FGF12: variants seen among roughly 807,000 people sequenced by gnomAD.
The protein encoded by FGF12 is fibroblast growth factor 12, also known as fibroblast growth factor 12B.
FGF12 carries 14 observed loss-of-function variants against 23.6 expected under a neutral mutation model. The observed-to-expected ratio is 0.59, with a 90% confidence interval of 0.39 to 0.93. The LOEUF (loss-of-function observed/expected upper bound fraction) is 0.93, where lower values mean the gene tolerates loss of function less well. Ranked by LOEUF, FGF12 falls within the 40% of genes least tolerant of loss-of-function variation. The pLI, the probability that FGF12 is intolerant of heterozygous loss-of-function variation, is 0.00. For missense variants in FGF12, 175 were observed against 217.8 expected (o/e 0.80, Z 1.24); for synonymous variants, 62 against 77.3 (o/e 0.80, Z 1.04).
intron 2 of FGF12, among the ~76,000 whole-genome samples, chr3:192,528,438 C>T (rs1725006975): frequency 6.6e-6 from 1 of 152,098 alleles, no homozygotes; most frequent in Admixed American, 6.6e-5. Flanking sequence ...AGGGTAGAGC[C>T]TCTCTCTCAG....
rs773570110 is a variant in FGF12 at position 192,512,835 on chromosome 3, A to AATATATATATATAT, written c.14-152311_14-152298dup. ...GTTAAACCTAGAGTATACTCAAATA[A>AATATATATATATAT]ATATATATATATATATATATATATA... On this transcript the variant is annotated intron_variant, in intron 2 of 5. Coordinates refer to ENST00000445105, the MANE Select transcript of FGF12 (RefSeq NM_004113.6). Among the ~76,000 whole-genome samples the AATATATATATATAT allele has an allele frequency of 6.9e-3, 531 of 76,700 alleles. 24 individuals are homozygous for AATATATATATATAT. The highest frequency in any genetic ancestry group is 0.032 in the African/African-American group (507 of 15,626). The allele number at this position is 76,700 out of a possible 152,430, so 50.3% of individuals were successfully genotyped here.
intron 2 of FGF12, among the ~76,000 whole-genome samples, chr3:192,461,917 G>T (rs1722876190): frequency 1.3e-5 from 2 of 151,928 alleles, no homozygotes; most frequent in African/African-American, 4.8e-5. Context: ...TTGAACCCGG[G>T]AGGTGGAGGT....
At chr3:192,545,669 G>T (rs1397297953) in intron 2 of FGF12, among the ~76,000 whole-genome samples, 1 of 152,152 alleles carries the variant, frequency 6.6e-6, no homozygotes, top group East Asian at 1.9e-4. Context: ...TATCCAGAGG[G>T]TTCTTTTATG....
At chr3:192,589,048 G>A (rs114630214) in intron 2 of FGF12, among the ~76,000 whole-genome samples, 3,641 of 151,902 alleles carry the variant, frequency 0.024, 159 homozygotes, top group African/African-American at 0.082. Context: ...CTTATTTTAA[G>A]CTTATTTTTA....
At chr3:192,162,840 A>AT (rs1344136670) in intron 5 of FGF12, among the ~76,000 whole-genome samples, 2 of 152,122 alleles carry the variant, frequency 1.3e-5, no homozygotes, top group Middle Eastern at 3.4e-3. Flanking sequence ...AGGGATTGTT[A>AT]TTTTCCTTCC....
chr3:192,715,830 A>G (rs1718849025), intron 2 of FGF12, among the ~76,000 whole-genome samples: 1 of 152,238 alleles, frequency 6.6e-6, no homozygotes, highest in African/African-American at 2.4e-5. Flanking sequence ...AGCCCCAGTA[A>G]CAAGCAATGT....
chr3:192,372,846 A>G (rs1222408396), intron 2 of FGF12, among the ~76,000 whole-genome samples: 2 of 152,148 alleles, frequency 1.3e-5, no homozygotes, highest in Non-Finnish European at 2.9e-5. Context: ...GCTTTGCACC[A>G]TCTGGCTCCT....
At chr3:192,726,183 TG>T (rs1325980668) in intron 2 of FGF12, among the ~76,000 whole-genome samples, 1 of 152,238 alleles carries the variant, frequency 6.6e-6, no homozygotes, top group Non-Finnish European at 1.5e-5. Flanking sequence ...ATTACCACAG[TG>T]ACTGACATTC....
At chr3:192,272,158 A>G (rs1191021769) in intron 4 of FGF12, among the ~76,000 whole-genome samples, 2 of 152,196 alleles carry the variant, frequency 1.3e-5, no homozygotes, top group African/African-American at 4.8e-5. Flanking sequence ...TCATCTGAAA[A>G]TTAAACAATC....
intron 4 of FGF12, among the ~76,000 whole-genome samples, chr3:192,248,279 A>G (rs1336462830): frequency 6.6e-6 from 1 of 152,224 alleles, no homozygotes; most frequent in Non-Finnish European, 1.5e-5. Flanking sequence ...CAACCTTGAC[A>G]ATATGTTATT....
intron 2 of FGF12, among the ~76,000 whole-genome samples, chr3:192,703,198 C>T (rs138592185): frequency 7.6e-4 from 116 of 152,106 alleles, no homozygotes; most frequent in Middle Eastern, 6.8e-3. Flanking sequence ...GGTTGGGTTC[C>T]GGACAACCAC....
At chr3:192,636,691 A>G (rs74375793) in intron 2 of FGF12, among the ~76,000 whole-genome samples, 16,031 of 152,258 alleles carry the variant, frequency 0.11, 958 homozygotes, top group Non-Finnish European at 0.14. Context: ...CTTCTGTGCC[A>G]TGAGGTAACC....
intron 2 of FGF12, among the ~76,000 whole-genome samples, chr3:192,658,109 A>G (rs1324334841): frequency 6.6e-6 from 1 of 152,272 alleles, no homozygotes; most frequent in African/African-American, 2.4e-5. Flanking sequence ...AAAATACAAT[A>G]GGACACATCA....
At chr3:192,703,115 G>A (rs1158328094) in intron 2 of FGF12, among the ~76,000 whole-genome samples, 1 of 152,124 alleles carries the variant, frequency 6.6e-6, no homozygotes, top group Non-Finnish European at 1.5e-5. Flanking sequence ...TTTCAGCAAA[G>A]TTAATCCCTT....
chr3:192,606,018 G>A (rs1476996581), intron 2 of FGF12, among the ~76,000 whole-genome samples: 11 of 152,050 alleles, frequency 7.2e-5, no homozygotes, highest in Non-Finnish European at 1.6e-4. Flanking sequence ...CCCATTACTG[G>A]GTATATATTC....
intron 2 of FGF12, among the ~76,000 whole-genome samples, chr3:192,687,040 A>G (rs965402091): frequency 1.3e-5 from 2 of 151,514 alleles, no homozygotes; most frequent in Non-Finnish European, 2.9e-5. Flanking sequence ...CATCTTAGCC[A>G]GGATGGTCTC....
chr3:192,372,825 T>C (rs72607877), intron 2 of FGF12, among the ~76,000 whole-genome samples: 26,578 of 152,144 alleles, frequency 0.17, 3,412 homozygotes, highest in East Asian at 0.44. Context: ...ACCCTTAGCA[T>C]GGCCGGGAGA....
At chr3:192,258,021 TA>T (rs200983417) in intron 4 of FGF12, among the ~76,000 whole-genome samples, 49,880 of 135,500 alleles carry the variant, frequency 0.37, 9,308 homozygotes, top group East Asian at 0.89. Context: ...TGGTAAAATT[TA>T]AAAAAAAAAA....
intron 2 of FGF12, among the ~76,000 whole-genome samples, chr3:192,579,086 C>G (rs1713028439): frequency 6.6e-6 from 1 of 152,080 alleles, no homozygotes; most frequent in South Asian, 2.1e-4. Flanking sequence ...TTTTCAAGTA[C>G]CTAATGTTCA....
Sources: allele counts gnomAD v4.1 joint callset (sites outside exome capture counted in the v4.1 genomes callset), GRCh38; gene constraint gnomAD v4.1.1; transcripts MANE v1.5; gene names NCBI Gene and HGNC (gene_info 2026-07-23, HGNC 2026-07-21).